The following MLLT10 variants were observed in gnomAD, a reference collection of about 807,000 sequenced individuals.
MLLT10 encodes MLLT10 histone lysine methyltransferase DOT1L cofactor.
A neutral mutation model predicts 129.1 loss-of-function variants in MLLT10; 30 were observed. The ratio of observed to expected loss-of-function variants is 0.23; its 90% CI spans 0.17 to 0.32. The LOEUF (loss-of-function observed/expected upper bound fraction) is 0.32, where lower values mean the gene tolerates loss of function less well. MLLT10 is among the 10% of genes least tolerant of loss of function. The probability of loss-of-function intolerance (pLI) is 1.00; values close to 1 mark genes in which losing one functional copy is unlikely to be tolerated. For missense variants in MLLT10, 1,119 were observed against 1,268.3 expected (o/e 0.88, Z 1.79); for synonymous variants, 490 against 446.4 (o/e 1.10, Z -1.23).
chr10:21,581,193 C>T (rs930872815), intron 3 of MLLT10, among the ~76,000 whole-genome samples: 12 of 151,684 alleles, frequency 7.9e-5, no homozygotes, highest in Non-Finnish European at 1.2e-4. Flanking sequence ...CTACAGGCGC[C>T]CACTATCACA....
chr10:21,678,069 G>C (rs1282792121), intron 11 of MLLT10, among the ~76,000 whole-genome samples: 2 of 152,084 alleles, frequency 1.3e-5, no homozygotes, highest in African/African-American at 2.4e-5. Context: ...TAGCTAAGCT[G>C]TAAGACATAT....
chr10:21,681,212 G>A (rs1290645224), intron 11 of MLLT10, 120 bp from the exon 12 acceptor site: 12 of 1,239,298 alleles, frequency 9.7e-6, no homozygotes, highest in African/African-American at 3.1e-5. Flanking sequence ...GAAGTTCTAG[G>A]TGGCCTACTT....
chr10:21,579,647 C>T (rs1213776331), intron 3 of MLLT10, among the ~76,000 whole-genome samples: 1 of 151,652 alleles, frequency 6.6e-6, no homozygotes, highest in Non-Finnish European at 1.5e-5. Context: ...AACACAACCT[C>T]CGCCTCTTGG....
chr10:21,637,509 T>C (rs2047574101), intron 8 of MLLT10, among the ~76,000 whole-genome samples: 1 of 152,204 alleles, frequency 6.6e-6, no homozygotes. Context: ...TGAAATTTAT[T>C]GGAGTTTCCA....
At chr10:21,680,650 A>G (rs892019960) in intron 11 of MLLT10, among the ~76,000 whole-genome samples, 1 of 152,138 alleles carries the variant, frequency 6.6e-6, no homozygotes, top group African/African-American at 2.4e-5. Context: ...ATAGTATTCA[A>G]ATGTTTTTGG....
At chr10:21,681,821 G>A (rs1407509415) in intron 12 of MLLT10, among the ~76,000 whole-genome samples, 2 of 151,960 alleles carry the variant, frequency 1.3e-5, no homozygotes, top group Non-Finnish European at 2.9e-5. Context: ...ATATAATGAG[G>A]TTTTTCTTTA....
chr10:21,717,639 T>TC (rs1225195856), intron 14 of MLLT10, among the ~76,000 whole-genome samples: 11 of 102,978 alleles, frequency 1.1e-4, no homozygotes, highest in African/African-American at 3.7e-4. Context: ...CTCCTCCTCC[T>TC]TTTCCTCCTC....
chr10:21,577,989 G>A (rs545303569), intron 3 of MLLT10, among the ~76,000 whole-genome samples: 4 of 152,058 alleles, frequency 2.6e-5, no homozygotes, highest in South Asian at 2.1e-4. Flanking sequence ...TCTGCCTCCC[G>A]GGTTCAAGCG....
At chr10:21,586,993 C>T (rs1307354135) in intron 4 of MLLT10, among the ~76,000 whole-genome samples, 1 of 148,938 alleles carries the variant, frequency 6.7e-6, no homozygotes, top group East Asian at 2.0e-4. Flanking sequence ...GACCTAAAAT[C>T]TGTTGTTTTA....
chr10:21,639,787 G>C (rs2047807487), intron 8 of MLLT10, among the ~76,000 whole-genome samples: 1 of 152,078 alleles, frequency 6.6e-6, no homozygotes, highest in Non-Finnish European at 1.5e-5. Context: ...CTTCTGAAAT[G>C]GGGGTTTTAT....
intron 9 of MLLT10, among the ~76,000 whole-genome samples, chr10:21,662,028 A>G (rs1218394577): frequency 1.3e-5 from 2 of 151,230 alleles, no homozygotes. Context: ...TCACCCTCTC[A>G]TCACACTTTA....
chr10:21,613,367 A>G (rs2044864079), intron 6 of MLLT10, among the ~76,000 whole-genome samples: 1 of 152,172 alleles, frequency 6.6e-6, no homozygotes, highest in South Asian at 2.1e-4. Context: ...CAGTGTAAGT[A>G]CATGCTCATT....
At chr10:21,687,557 T>G (rs1427224474) in intron 13 of MLLT10, among the ~76,000 whole-genome samples, 4 of 152,224 alleles carry the variant, frequency 2.6e-5, no homozygotes, top group African/African-American at 4.8e-5. Context: ...GTTAGTGTGT[T>G]CTTTATGCTT....
chr10:21,617,164 C>G lies in MLLT10; in HGVS notation c.656C>G (p.Ser219Cys), dbSNP rs761719782. ...NRSYDQSLSD[S>C]SSHSQDKHHE... ...TCATATGATCAAAGTTTAAGTGATT[C>G]TTCCTCTCACTCTCAGGATAAACAT... Residue 219 changes from serine to cysteine, a missense_variant, in exon 8 of 23, where the codon TCT becomes TGT. Physicochemically the swap from Ser to Cys is moderately radical, Grantham distance 112 (BLOSUM62 -1). Coordinates refer to ENST00000307729, the MANE Select transcript of MLLT10 (RefSeq NM_001195626.3). 4 of 1,540,938 alleles carry G rather than the reference C, an allele frequency of 2.6e-6. No homozygotes were observed. In the Admixed American group the frequency reaches 7.3e-5, roughly 28 times the overall value.
chr10:21,649,355 G>A (rs528651161), intron 8 of MLLT10, among the ~76,000 whole-genome samples: 1 of 152,352 alleles, frequency 6.6e-6, no homozygotes, highest in South Asian at 2.1e-4. Flanking sequence ...GGGATTACAG[G>A]TGTGAGCCAG....
intron 9 of MLLT10, among the ~76,000 whole-genome samples, chr10:21,657,622 C>A (rs2049744215): frequency 6.6e-6 from 1 of 152,036 alleles, no homozygotes; most frequent in South Asian, 2.1e-4. Flanking sequence ...TTATAAATAG[C>A]TCACAATTTT....
At chr10:21,697,508 C>T (rs1446953179) in intron 13 of MLLT10, among the ~76,000 whole-genome samples, 1 of 152,074 alleles carries the variant, frequency 6.6e-6, no homozygotes, top group Non-Finnish European at 1.5e-5. Flanking sequence ...TTTTTTCCTA[C>T]TTTCGCATGT....
At chr10:21,647,051 T>C (rs2131310039) in intron 8 of MLLT10, among the ~76,000 whole-genome samples, 1 of 152,160 alleles carries the variant, frequency 6.6e-6, no homozygotes, top group Admixed American at 6.5e-5. Context: ...GAGAACGGGG[T>C]TTCACCGTCT....
intron 21 of MLLT10, among the ~76,000 whole-genome samples, chr10:21,738,110 A>G (rs940643530): frequency 6.6e-6 from 1 of 152,028 alleles, no homozygotes; most frequent in African/African-American, 2.4e-5. Context: ...TCTACTAAAA[A>G]TACAAAAATT....
Sources: allele counts gnomAD v4.1 joint callset (sites outside exome capture counted in the v4.1 genomes callset), GRCh38; gene constraint gnomAD v4.1.1; transcripts MANE v1.5; gene names NCBI Gene and HGNC (gene_info 2026-07-23, HGNC 2026-07-21).